The following NKAIN2 variants were observed in gnomAD, a reference collection of about 807,000 sequenced individuals.
The protein encoded by NKAIN2 is sodium/potassium-transporting ATPase subunit beta-1-interacting protein 2.
In NKAIN2, 14 loss-of-function variants were observed where a neutral mutation model predicts 32.6. The ratio of observed to expected loss-of-function variants is 0.43; its 90% confidence interval spans 0.28 to 0.67. NKAIN2 has a LOEUF of 0.67. Ranked by LOEUF, NKAIN2 falls within the 30% of genes least tolerant of loss-of-function variation. The pLI, the probability that NKAIN2 is intolerant of heterozygous loss-of-function variation, is 0.17. For missense variants in NKAIN2, 198 were observed against 258.3 expected, an observed-to-expected ratio of 0.77 and a Z score of 1.60; for synonymous variants, 80 against 87.2, an observed-to-expected ratio of 0.92 and a Z score of 0.46.
chr6:124,784,395 C>G (rs9482575), intron 4 of NKAIN2, among the ~76,000 whole-genome samples: 1 of 151,926 alleles, frequency 6.6e-6, no homozygotes, highest in African/African-American at 2.4e-5. Context: ...TAACCCACCC[C>G]CCTTAGTCCC....
chr6:124,004,722 G>T, intron 1 of NKAIN2, among the ~76,000 whole-genome samples: 1 of 151,976 alleles, frequency 6.6e-6, no homozygotes, highest in South Asian at 2.1e-4. Context: ...GTGGTGGGGG[G>T]ATGGGGGAGG....
intron 1 of NKAIN2, among the ~76,000 whole-genome samples, chr6:124,100,479 T>A (rs772795731): frequency 6.6e-6 from 1 of 152,204 alleles, no homozygotes; most frequent in Non-Finnish European, 1.5e-5. Flanking sequence ...AGAGACACAT[T>A]TGTCAACATC....
intron 1 of NKAIN2, among the ~76,000 whole-genome samples, chr6:124,157,908 C>G (rs1299717227): frequency 6.6e-6 from 1 of 152,098 alleles, no homozygotes; most frequent in Non-Finnish European, 1.5e-5. Flanking sequence ...GCACTGACAA[C>G]AAATTTAATT....
In NKAIN2 at chr6:123,964,581, G is replaced by C. The variant is rs1274596503; in HGVS notation, c.54+160327G>C. 6.6e-6 allele frequency among the ~76,000 whole-genome samples: 1 copy of C among 152,158 alleles called. No homozygotes were observed. The highest frequency in any genetic ancestry group is 1.5e-5 in the Non-Finnish European group (1 of 68,022). On this transcript the variant is annotated intron_variant, in intron 1 of 6. Transcript: ENST00000368417. The surrounding 1 kb of genome is among the most constrained non-coding windows in gnomAD (Gnocchi z 4.0). ...CCTACAGAAAGGACTTGGGGATATA[G>C]AAAGGGCGTATGTAAGAGTTCTAAA... is the stretch of plus-strand genomic sequence containing the variant.
In NKAIN2 at chr6:124,405,977, C is replaced by T. The variant is rs139918609; in HGVS notation, c.273+50630C>T. ...TCTGACTAGCTTGATGCAGTGTAAA[C>T]CTGTACCCTTTACCCAATTCATTCA... On this transcript the variant is annotated intron_variant, in intron 3 of 6. Coordinates refer to ENST00000368417, the MANE Select transcript of NKAIN2 (RefSeq NM_001040214.3). Among the ~76,000 whole-genome samples, 754 of 149,588 alleles carry T rather than the reference C, an allele frequency of 5.0e-3. 2 individuals carry two copies. Among genetic ancestry groups the T allele is most frequent in the Admixed American group, 9.1e-3 (137 of 15,000 alleles).
chr6:124,130,590 A>C (rs1295823331), intron 1 of NKAIN2, among the ~76,000 whole-genome samples: 1 of 147,132 alleles, frequency 6.8e-6, no homozygotes, highest in African/African-American at 2.5e-5. Context: ...AGGTATGGTA[A>C]GTGAATTTAA....
chr6:124,119,156 C>T (rs1192841634), intron 1 of NKAIN2, among the ~76,000 whole-genome samples: 1 of 152,090 alleles, frequency 6.6e-6, no homozygotes, highest in Non-Finnish European at 1.5e-5. Context: ...GCTCCCCAAC[C>T]AGAAAGTGGT....
At chr6:124,602,620 C>T (rs764993786) in intron 3 of NKAIN2, among the ~76,000 whole-genome samples, 7 of 151,818 alleles carry the variant, frequency 4.6e-5, no homozygotes, top group African/African-American at 1.4e-4. Flanking sequence ...AAAAGACCAG[C>T]AACTATGAAC....
chr6:124,307,032 T>G (rs542657221), intron 2 of NKAIN2, among the ~76,000 whole-genome samples: 12 of 152,166 alleles, frequency 7.9e-5, no homozygotes, highest in Non-Finnish European at 1.6e-4. Flanking sequence ...CCTATTCTTA[T>G]GTTAAATGAG....
At chr6:124,805,505 C>A (rs1388245402) in intron 5 of NKAIN2, among the ~76,000 whole-genome samples, 2 of 152,096 alleles carry the variant, frequency 1.3e-5, no homozygotes, top group African/African-American at 4.8e-5. Context: ...TCACCATCAT[C>A]AAAGACCAAA....
At chr6:124,612,861 CTAT>C (rs1782744045) in intron 3 of NKAIN2, among the ~76,000 whole-genome samples, 1 of 152,046 alleles carries the variant, frequency 6.6e-6, no homozygotes, top group Non-Finnish European at 1.5e-5. Context: ...TGGTTATTAT[CTAT>C]TATTTGCATG....
intron 4 of NKAIN2, among the ~76,000 whole-genome samples, chr6:124,774,968 G>T (rs1221076163): frequency 6.6e-6 from 1 of 151,536 alleles, no homozygotes; most frequent in Non-Finnish European, 1.5e-5. Flanking sequence ...TGAATGTGAT[G>T]ATTTTAAAAA....
chr6:124,732,723 G>A (rs1776744917), intron 4 of NKAIN2, among the ~76,000 whole-genome samples: 1 of 151,940 alleles, frequency 6.6e-6, no homozygotes, highest in Non-Finnish European at 1.5e-5. Flanking sequence ...GAGAAACTGT[G>A]TAGAGTATAC....
At chr6:123,807,519 T>G (rs1438528819) in intron 1 of NKAIN2, among the ~76,000 whole-genome samples, 9 of 152,140 alleles carry the variant, frequency 5.9e-5, no homozygotes, top group Admixed American at 4.6e-4. Flanking sequence ...CAAGAAGTTT[T>G]TAACTTCTTA....
chr6:124,320,624 A>G (rs959912029), intron 2 of NKAIN2, among the ~76,000 whole-genome samples: 7 of 152,216 alleles, frequency 4.6e-5, no homozygotes, highest in Admixed American at 2.6e-4. Flanking sequence ...CAGTAAATCT[A>G]TAGCCCCTAG....
chr6:123,831,590 A>G (rs1774379518), intron 1 of NKAIN2, among the ~76,000 whole-genome samples: 1 of 151,334 alleles, frequency 6.6e-6, no homozygotes. Context: ...AGGTTTTCCC[A>G]TACCCCTCTG....
chr6:124,759,929 T>C (rs971511370), intron 4 of NKAIN2, among the ~76,000 whole-genome samples: 1 of 151,586 alleles, frequency 6.6e-6, no homozygotes, highest in Admixed American at 6.6e-5. Context: ...TAGACAAAGG[T>C]GAACAGAGGC....
intron 3 of NKAIN2, among the ~76,000 whole-genome samples, chr6:124,584,345 A>T (rs1163229677): frequency 1.3e-5 from 2 of 152,190 alleles, no homozygotes; most frequent in African/African-American, 4.8e-5. Flanking sequence ...ATCTGAATAG[A>T]CATTTCTCAA....
chr6:124,537,857 A>G (rs1365974996), intron 3 of NKAIN2, among the ~76,000 whole-genome samples: 1 of 152,172 alleles, frequency 6.6e-6, no homozygotes, highest in Non-Finnish European at 1.5e-5. Context: ...GTATTTACTG[A>G]GTTTCACACT....
Sources: gnomAD v4.1 joint callset for allele counts (sites outside exome capture counted in the v4.1 genomes callset) on GRCh38, gnomAD v4.1.1 for gene constraint, Gnocchi (gnomAD v3.1) non-coding constraint, MANE v1.5 for transcripts, NCBI Gene and HGNC (gene_info 2026-07-23, HGNC 2026-07-21) for gene names.